RMND5A: variants seen among roughly 807,000 people sequenced by gnomAD.
RMND5A encodes the protein E3 ubiquitin-protein transferase RMND5A.
A neutral mutation model predicts 49.7 loss-of-function variants in RMND5A; 17 were observed. The observed-to-expected ratio is 0.34, with a 90% CI of 0.23 to 0.51. The LOEUF is 0.51. Ranked by LOEUF, RMND5A falls within the 20% of genes least tolerant of loss-of-function variation. The probability of loss-of-function intolerance (pLI) is 0.96; values close to 1 mark genes in which losing one functional copy is unlikely to be tolerated. For missense variants in RMND5A, 255 were observed against 471.3 expected (o/e 0.54, Z 4.25); for synonymous variants, 156 against 167.7 (o/e 0.93, Z 0.54).
intron 4 of RMND5A, among the ~76,000 whole-genome samples, chr2:86,761,873 A>G (rs1213101746): frequency 6.6e-6 from 1 of 152,184 alleles, no homozygotes; most frequent in East Asian, 1.9e-4. Context: ...AAAATTTGAA[A>G]CTGTGCAAAC....
intron 4 of RMND5A, among the ~76,000 whole-genome samples, chr2:86,757,755 A>G (rs1681768974): frequency 6.6e-6 from 1 of 152,196 alleles, no homozygotes; most frequent in African/African-American, 2.4e-5. Context: ...TCAGCTTTGC[A>G]GACTTGGAAA....
At chr2:86,748,451 C>G (rs2104394603) in intron 2 of RMND5A, 1 of 152,266 alleles carries the variant, frequency 6.6e-6, no homozygotes, top group African/African-American at 2.4e-5. Context: ...TTTCCAAGAG[C>G]AGCAAATAAG....
chr2:86,747,465 G>C (rs1405081065), intron 2 of RMND5A, among the ~76,000 whole-genome samples: 1 of 152,174 alleles, frequency 6.6e-6, no homozygotes, highest in Non-Finnish European at 1.5e-5. Flanking sequence ...CAGAATCCAG[G>C]TCTTCTTACT....
intron 2 of RMND5A, among the ~76,000 whole-genome samples, chr2:86,744,362 G>A (rs1372302129): frequency 1.3e-5 from 2 of 152,152 alleles, no homozygotes; most frequent in African/African-American, 2.4e-5. Context: ...TGACCAAACA[G>A]GATAAAGCTG....
chr2:86,760,377 T>C (rs1672449714), intron 4 of RMND5A, among the ~76,000 whole-genome samples: 1 of 152,238 alleles, frequency 6.6e-6, no homozygotes, highest in Admixed American at 6.5e-5. Context: ...GGGCAGTCTT[T>C]GCAGGTTTCT....
chr2:86,767,596 C>T (rs938486), intron 6 of RMND5A, among the ~76,000 whole-genome samples: 107,221 of 152,132 alleles, frequency 0.7, 37,943 homozygotes, highest in East Asian at 0.91. Flanking sequence ...TTTAAGTGAA[C>T]GAAGCAAGCC....
At chr2:86,751,836 T>G in intron 2 of RMND5A, 60 bp from the exon 3 acceptor site, 4 of 1,531,544 alleles carry the variant, frequency 2.6e-6, no homozygotes, top group Non-Finnish European at 3.5e-6. Flanking sequence ...ACCATTTTTT[T>G]CCTGTTAAGT....
In RMND5A at chr2:86,728,535, C is replaced by T. The variant is rs1339995526; in HGVS notation, c.142+7726C>T. 2.5e-5 allele frequency among the ~76,000 whole-genome samples: 2 copies of T among 81,130 alleles called. 1 individual carries two copies. 53.2% of individuals were successfully genotyped at this position (81,130 alleles called of 152,430 possible). On this transcript the variant is annotated intron_variant, in intron 1 of 8. Transcript: ENST00000283632. Reference sequence around the variant, plus strand: ...GCTAGGCGGATCTTGAACTCCTGGGCTCAAGTAATCCACCCGTCTCAGCCT... The same window carrying T: ...GCTAGGCGGATCTTGAACTCCTGGGTTCAAGTAATCCACCCGTCTCAGCCT...
At chr2:86,756,308 A>G (rs1365583832) in intron 4 of RMND5A, among the ~76,000 whole-genome samples, 1 of 152,092 alleles carries the variant, frequency 6.6e-6, no homozygotes. Context: ...TGGGAGGATC[A>G]CTTGAGCCCA....
chr2:86,736,202 G>T, intron 1 of RMND5A, among the ~76,000 whole-genome samples: 1 of 66,774 alleles, frequency 1.5e-5, no homozygotes, highest in African/African-American at 5.3e-5. Context: ...TTATTTTTTT[G>T]AGACAGGGTC....
intron 5 of RMND5A, chr2:86,765,563 A>C (rs538518298): frequency 2.7e-6 from 1 of 366,022 alleles, no homozygotes; most frequent in East Asian, 5.4e-5. Context: ...TTAACTCTGC[A>C]GTCAGAGATA....
At position 86,778,001 on chromosome 2, in the gene RMND5A, G is replaced by A. The variant is rs1016462528; in HGVS notation, c.*4590G>A. ...ATGTAAAACACATGGCTTTTCCTGT[G>A]TATATTTTTAAAAATTAAAGAAATG... On this transcript the variant is annotated 3_prime_UTR_variant, in exon 9 of 9. Coordinates refer to ENST00000283632, the MANE Select transcript of RMND5A (RefSeq NM_022780.4). 1.3e-5 allele frequency: 2 copies of A among 152,100 alleles called. No individual in the cohort carries two copies. Among genetic ancestry groups the A allele is most frequent in the East Asian group, 3.8e-4 (2 of 5,200 alleles). 9.4% of individuals were successfully genotyped at this position (152,100 alleles called of 1,614,324 possible).
intron 4 of RMND5A, among the ~76,000 whole-genome samples, chr2:86,755,085 C>T (rs1681708225): frequency 6.6e-6 from 1 of 151,692 alleles, no homozygotes; most frequent in Non-Finnish European, 1.5e-5. Context: ...CCTCTAACAC[C>T]TCTTAAACAA....
chr2:86,742,263 G>A (rs1247888915), intron 2 of RMND5A, among the ~76,000 whole-genome samples: 1 of 150,372 alleles, frequency 6.7e-6, no homozygotes, highest in African/African-American at 2.5e-5. Flanking sequence ...TTCCAGCCAC[G>A]TTGTTATGTC....
chr2:86,764,979 C>T (rs752378573), intron 4 of RMND5A, 48 bp from the exon 5 acceptor site: 50 of 1,544,474 alleles, frequency 3.2e-5, no homozygotes, highest in Non-Finnish European at 4.3e-5. Flanking sequence ...TTTTAAGACA[C>T]CTTGCTTATG....
Position 86,720,820 on chromosome 2 carries a change from C to T in RMND5A, c.142+11C>T, listed in dbSNP as rs1382042754. 2.5e-6 allele frequency: 4 copies of T among 1,576,238 alleles called. No individual in the cohort carries two copies. The African/African-American group carries it at 5.5e-5, about 22-fold the overall frequency. On this transcript the variant is annotated intron_variant, in intron 1 of 8. Transcript: ENST00000283632. ...TCCTGCAGAGCCACGGTAGGGCGGCCCGCGTGGGCGCGCGGGGCATGGCCC... is the reference window on the plus strand; with the variant it reads ...TCCTGCAGAGCCACGGTAGGGCGGCTCGCGTGGGCGCGCGGGGCATGGCCC...
At chr2:86,771,485 G>A in intron 7 of RMND5A, 73 bp from the exon 8 acceptor site, 2 of 1,329,318 alleles carry the variant, frequency 1.5e-6, no homozygotes, top group Non-Finnish European at 2.1e-6. Context: ...TTGCTGCACA[G>A]TGTATATTAC....
Position 86,776,855 on chromosome 2 carries a change from C to T in RMND5A, c.*3444C>T, listed in dbSNP as rs576149399. 1 of 117,798 alleles carries T rather than the reference C, an allele frequency of 8.5e-6. No homozygotes were observed. The highest frequency in any genetic ancestry group is 1.9e-5 in the Non-Finnish European group (1 of 51,740). 7.3% of individuals were successfully genotyped at this position (117,798 alleles called of 1,614,324 possible). A position where few individuals can be genotyped will look rare whatever the true frequency, so the allele number is the denominator to read the frequency against. Reference sequence around the variant, plus strand: ...TCACTTAACTATACGTACTTTATCTCTGGTAACACTAGAATGCTGTGGTCT... The same window carrying T: ...TCACTTAACTATACGTACTTTATCTTTGGTAACACTAGAATGCTGTGGTCT... On this transcript the variant is annotated 3_prime_UTR_variant, in exon 9 of 9. Transcript: ENST00000283632.
At chr2:86,768,987 C>G (rs1348456041) in intron 6 of RMND5A, among the ~76,000 whole-genome samples, 1 of 152,082 alleles carries the variant, frequency 6.6e-6, no homozygotes, top group African/African-American at 2.4e-5. Flanking sequence ...ATTCTGTTGC[C>G]CAGGTTGGAG....
Sources: gnomAD v4.1 joint callset for allele counts (sites outside exome capture counted in the v4.1 genomes callset) on GRCh38, gnomAD v4.1.1 for gene constraint, MANE v1.5 for transcripts, NCBI Gene and HGNC (gene_info 2026-07-23, HGNC 2026-07-21) for gene names.